B3GALT1: variants seen among roughly 807,000 people sequenced by gnomAD.
The protein encoded by B3GALT1 is beta-1,3-galactosyltransferase 1, also known as UDP-Gal:betaGlcNAc beta 1,3-galactosyltransferase, polypeptide 1.
B3GALT1 carries 10 observed loss-of-function variants against 23.2 expected under a neutral mutation model. The observed-to-expected ratio is 0.43, with a 90% confidence interval of 0.27 to 0.73. The LOEUF is 0.73. Among genes scored for constraint, B3GALT1 ranks in the 30% least tolerant of loss-of-function variants. B3GALT1 has a pLI of 0.21. For synonymous variants in B3GALT1, 156 were observed against 141.5 expected (o/e 1.10, Z -0.73); for missense variants, 299 against 405.4 (o/e 0.74, Z 2.25).
intron 2 of B3GALT1, among the ~76,000 whole-genome samples, chr2:167,523,864 A>AT (rs1358165965): frequency 2.6e-5 from 1 of 38,880 alleles, no homozygotes; most frequent in Non-Finnish European, 4.7e-5. Context: ...AAGTTGCCTC[A>AT]TTTTTTAATG....
At chr2:167,541,165 C>T (rs1254330274) in intron 2 of B3GALT1, among the ~76,000 whole-genome samples, 2 of 152,016 alleles carry the variant, frequency 1.3e-5, no homozygotes, top group African/African-American at 4.8e-5. Context: ...TGCATTCTTC[C>T]CTTTAAGGTG....
chr2:167,432,498 G>T (rs969965325), intron 1 of B3GALT1, among the ~76,000 whole-genome samples: 1 of 152,178 alleles, frequency 6.6e-6, no homozygotes, highest in African/African-American at 2.4e-5. Flanking sequence ...TGCCTTAGCA[G>T]CTCCACTCAC....
At chr2:167,733,540 A>G (rs1687443268) in intron 3 of B3GALT1, among the ~76,000 whole-genome samples, 1 of 152,074 alleles carries the variant, frequency 6.6e-6, no homozygotes, top group Non-Finnish European at 1.5e-5. Flanking sequence ...ATAGTTTCTC[A>G]CTTTCTAAAA....
intron 1 of B3GALT1, among the ~76,000 whole-genome samples, chr2:167,452,774 G>A (rs1699109138): frequency 6.6e-6 from 1 of 152,096 alleles, no homozygotes; most frequent in Admixed American, 6.6e-5. Flanking sequence ...ATCTGATCAG[G>A]AGGAAATGAT....
rs949820763 is a variant in B3GALT1, at chr2:167,668,494, G to A, written c.-352+21528G>A. Among the ~76,000 whole-genome samples the A allele has an allele frequency of 5.4e-4, 82 of 152,256 alleles. 2 individuals are homozygous for A. The highest frequency in any genetic ancestry group is 8.5e-4 in the Non-Finnish European group (58 of 68,022). ...GGGCTTCACCCAGTTCGAGCTTCCC[G>A]GCTGCTTTGTTTACCTAAGCAAGCC... On this transcript the variant is annotated intron_variant, in intron 3 of 4. Transcript: ENST00000392690.
intron 3 of B3GALT1, among the ~76,000 whole-genome samples, chr2:167,732,783 A>G (rs190622240): frequency 6.6e-5 from 10 of 152,372 alleles, no homozygotes; most frequent in Non-Finnish European, 1.5e-4. Flanking sequence ...ATAATCTATC[A>G]GGACCCTACA....
chr2:167,825,173 G>A (rs930372652), intron 4 of B3GALT1, among the ~76,000 whole-genome samples: 1 of 151,290 alleles, frequency 6.6e-6, no homozygotes, highest in Admixed American at 6.6e-5. Flanking sequence ...TAGTCCAGCT[G>A]CTCAGGAGGC....
intron 1 of B3GALT1, among the ~76,000 whole-genome samples, chr2:167,324,781 T>C (rs1696866942): frequency 6.6e-6 from 1 of 152,084 alleles, no homozygotes. Flanking sequence ...GTCCCCCGAC[T>C]CTGCTATCAA....
chr2:167,599,804 A>C (rs1014735066), intron 2 of B3GALT1, among the ~76,000 whole-genome samples: 7 of 152,182 alleles, frequency 4.6e-5, no homozygotes, highest in Non-Finnish European at 1.0e-4. Context: ...ATGCATTGCC[A>C]ACTGGACACA....
chr2:167,629,806 G>T (rs145010317), intron 2 of B3GALT1, among the ~76,000 whole-genome samples: 1 of 151,844 alleles, frequency 6.6e-6, no homozygotes, highest in Non-Finnish European at 1.5e-5. Flanking sequence ...TACCTTGGCA[G>T]ATTTACAAAT....
intron 2 of B3GALT1, among the ~76,000 whole-genome samples, chr2:167,533,518 C>A (rs985609475): frequency 6.6e-6 from 1 of 152,068 alleles, no homozygotes; most frequent in African/African-American, 2.4e-5. Flanking sequence ...TTGTCATGAT[C>A]TATTATCCTT....
chr2:167,594,176 G>T (rs200927071), intron 2 of B3GALT1, among the ~76,000 whole-genome samples: 1 of 152,158 alleles, frequency 6.6e-6, no homozygotes. Flanking sequence ...AGGTAGTTTT[G>T]CTGTGGGAGG....
intron 4 of B3GALT1, among the ~76,000 whole-genome samples, chr2:167,850,743 A>C (rs957785965): frequency 1.3e-5 from 2 of 152,124 alleles, no homozygotes; most frequent in African/African-American, 2.4e-5. Flanking sequence ...GTGTGTGCTC[A>C]CTGATACGTG....
chr2:167,306,386 T>G (rs1696552280), intron 1 of B3GALT1, among the ~76,000 whole-genome samples: 1 of 152,070 alleles, frequency 6.6e-6, no homozygotes, highest in Non-Finnish European at 1.5e-5. Context: ...ATATGAACAC[T>G]GAAATTATAA....
chr2:167,552,997 G>T (rs1683775946), intron 2 of B3GALT1, among the ~76,000 whole-genome samples: 1 of 151,922 alleles, frequency 6.6e-6, no homozygotes, highest in South Asian at 2.1e-4. Flanking sequence ...TGAATGTGTT[G>T]GTACACATCT....
intron 4 of B3GALT1, among the ~76,000 whole-genome samples, chr2:167,852,797 T>C (rs1036009392): frequency 1.3e-5 from 2 of 152,214 alleles, no homozygotes; most frequent in African/African-American, 4.8e-5. Flanking sequence ...CAAAGGACTC[T>C]TGTTGAAGCT....
chr2:167,732,122 A>G (rs1375380090), intron 3 of B3GALT1, among the ~76,000 whole-genome samples: 2 of 152,194 alleles, frequency 1.3e-5, no homozygotes, highest in Non-Finnish European at 2.9e-5. Context: ...TGCCATTGTG[A>G]TAAAACAAAT....
At chr2:167,350,787 C>A (rs777591731) in intron 1 of B3GALT1, among the ~76,000 whole-genome samples, 3 of 152,182 alleles carry the variant, frequency 2.0e-5, no homozygotes, top group Non-Finnish European at 2.9e-5. Flanking sequence ...GGAGCTGCAT[C>A]TTGTGCCTAC....
chr2:167,651,746 A>G (rs1038452134), intron 3 of B3GALT1, among the ~76,000 whole-genome samples: 9 of 152,282 alleles, frequency 5.9e-5, no homozygotes, highest in East Asian at 1.9e-4. Context: ...GCTGAGTTCA[A>G]TAGTGCAGTT....
Sources: allele counts gnomAD v4.1 joint callset (sites outside exome capture counted in the v4.1 genomes callset), GRCh38; gene constraint gnomAD v4.1.1; transcripts MANE v1.5; gene names NCBI Gene and HGNC (gene_info 2026-07-23, HGNC 2026-07-21).